The following HIVEP2 variants were observed in gnomAD, a reference collection of about 807,000 sequenced individuals.
HIVEP2 encodes HIVEP zinc finger 2, also known as transcription factor HIVEP2.
A neutral mutation model predicts 180.7 loss-of-function variants in HIVEP2; 14 were observed. The observed-to-expected ratio is 0.08, with a 90% CI of 0.05 to 0.12. The LOEUF (loss-of-function observed/expected upper bound fraction) is 0.12. HIVEP2 is among the 10% of genes least tolerant of loss of function. The pLI, the probability that HIVEP2 is intolerant of heterozygous loss-of-function variation, is 1.00. For missense variants in HIVEP2, 2,579 were observed against 3,008.5 expected, an observed-to-expected ratio of 0.86 and a Z score of 3.34; for synonymous variants, 1,184 against 1,136.4, an observed-to-expected ratio of 1.04 and a Z score of -0.84.
At position 142,785,309 on chromosome 6, in the gene HIVEP2, CAAAAAAAAAAAAAAAAAAAAAA is replaced by C. The variant is rs57458259; in HGVS notation, c.-527-1716_-527-1695del. On this transcript the variant is annotated intron_variant, in intron 2 of 9. Transcript: ENST00000367603. ...GGCTAAAGTAAAGCATGGCATTCCT[CAAAAAAAAAAAAAAAAAAAAAA>C]AAAAAAAAAAAAAAAGAAGAAGAAG... 7.6e-5 allele frequency among the ~76,000 whole-genome samples: 5 copies of C among 65,368 alleles called. 1 individual carries two copies. The highest frequency in any genetic ancestry group is 2.6e-4 in the Admixed American group (1 of 3,780). The allele number at this position is 65,368 out of a possible 152,430, so 42.9% of individuals were successfully genotyped here.
At chr6:142,836,468 A>G (rs1775225393) in intron 2 of HIVEP2, among the ~76,000 whole-genome samples, 1 of 152,172 alleles carries the variant, frequency 6.6e-6, no homozygotes, top group South Asian at 2.1e-4. Flanking sequence ...TCCTTCCTTA[A>G]GATTTCTATT....
At chr6:142,911,878 G>A (rs147403384) in intron 1 of HIVEP2, among the ~76,000 whole-genome samples, 45 of 152,234 alleles carry the variant, frequency 3.0e-4, no homozygotes, top group Admixed American at 1.5e-3. Flanking sequence ...TTAACTGACC[G>A]CTCATCATTT....
At chr6:142,753,960 A>C in intron 9 of HIVEP2, 29 bp from the exon 10 acceptor site, 2 of 1,211,142 alleles carry the variant, frequency 1.7e-6, no homozygotes, top group Non-Finnish European at 1.2e-6. Flanking sequence ...AGAGCACAAA[A>C]TTCAGAGCCT....
At chr6:142,792,921 A>C (rs1255009176) in intron 2 of HIVEP2, among the ~76,000 whole-genome samples, 1 of 152,090 alleles carries the variant, frequency 6.6e-6, no homozygotes, top group Non-Finnish European at 1.5e-5. Context: ...GAAACTGAGG[A>C]GTCCCTTCTT....
chr6:142,851,157 C>T (rs1356538360), intron 1 of HIVEP2, among the ~76,000 whole-genome samples: 1 of 152,062 alleles, frequency 6.6e-6, no homozygotes, highest in Non-Finnish European at 1.5e-5. Context: ...GAAGGAAAAG[C>T]AACAACAAGA....
chr6:142,819,098 G>A (rs1047564753), intron 2 of HIVEP2, among the ~76,000 whole-genome samples: 3 of 152,122 alleles, frequency 2.0e-5, no homozygotes, highest in Non-Finnish European at 4.4e-5. Context: ...GCTGGGCATG[G>A]TGGTGTGCAC....
chr6:142,898,433 G>A (rs1048890474), intron 1 of HIVEP2, among the ~76,000 whole-genome samples: 14 of 152,020 alleles, frequency 9.2e-5, no homozygotes, highest in Non-Finnish European at 1.8e-4. Context: ...AGGCCGAGGC[G>A]GGCAAATCAC....
At chr6:142,920,579 T>C (rs957045512) in intron 1 of HIVEP2, among the ~76,000 whole-genome samples, 21 of 152,162 alleles carry the variant, frequency 1.4e-4, no homozygotes, top group African/African-American at 5.1e-4. Flanking sequence ...GGTTATCACA[T>C]AGGTAACAGA....
At chr6:142,808,759 G>A (rs1323870714) in intron 2 of HIVEP2, among the ~76,000 whole-genome samples, 1 of 151,734 alleles carries the variant, frequency 6.6e-6, no homozygotes. Flanking sequence ...GGCAGGGAGG[G>A]AGGAAAGTAT....
intron 2 of HIVEP2, among the ~76,000 whole-genome samples, chr6:142,811,003 C>T (rs915222133): frequency 2.6e-5 from 4 of 152,106 alleles, no homozygotes; most frequent in African/African-American, 7.2e-5. Context: ...GCCTCCCAAA[C>T]ATTAACTATG....
At chr6:142,875,731 T>C (rs1428812327) in intron 1 of HIVEP2, among the ~76,000 whole-genome samples, 4 of 152,124 alleles carry the variant, frequency 2.6e-5, no homozygotes, top group Non-Finnish European at 5.9e-5. Flanking sequence ...TAGTGAAACA[T>C]GGTTCTGTTT....
chr6:142,872,075 G>C (rs1776301802), intron 1 of HIVEP2, among the ~76,000 whole-genome samples: 1 of 152,144 alleles, frequency 6.6e-6, no homozygotes. Context: ...TGACTGAGTA[G>C]CTGGACCAGT....
chr6:142,768,805 CTG>C (rs1230869731), intron 5 of HIVEP2, among the ~76,000 whole-genome samples: 1 of 151,866 alleles, frequency 6.6e-6, no homozygotes, highest in African/African-American at 2.4e-5. Flanking sequence ...ACTCAGCACT[CTG>C]TGCAATGCTA....
chr6:142,929,713 A>G (rs1286432132), intron 1 of HIVEP2, among the ~76,000 whole-genome samples: 1 of 152,190 alleles, frequency 6.6e-6, no homozygotes, highest in South Asian at 2.1e-4. Flanking sequence ...AAGTTTCCCA[A>G]ACTAACCATT....
intron 1 of HIVEP2, among the ~76,000 whole-genome samples, chr6:142,875,880 C>T (rs1418077681): frequency 6.7e-6 from 1 of 149,686 alleles, no homozygotes; most frequent in Admixed American, 6.7e-5. Context: ...GTTGAAAATT[C>T]ATGATAGATC....
intron 1 of HIVEP2, among the ~76,000 whole-genome samples, chr6:142,887,158 A>G (rs942578039): frequency 6.6e-5 from 10 of 152,216 alleles, no homozygotes; most frequent in African/African-American, 9.6e-5. Context: ...AATTCCTGAC[A>G]TAAAATGTGA....
chr6:142,851,088 G>A lies in HIVEP2; in HGVS notation c.-640-14041C>T, dbSNP rs563066173. Among the ~76,000 whole-genome samples, 59 of 152,288 alleles carry A rather than the reference G, an allele frequency of 3.9e-4. No homozygotes were observed. In the South Asian group the frequency reaches 0.012, roughly 30 times the overall value. On this transcript the variant is annotated intron_variant, in intron 1 of 9. Transcript: ENST00000367603. ...TCTGGGAAATATACAAATAATAGAA[G>A]CACTTTCATATTCTTTCATAAGTTG...
intron 2 of HIVEP2, among the ~76,000 whole-genome samples, chr6:142,819,584 C>T (rs1184451602): frequency 6.6e-6 from 1 of 152,124 alleles, no homozygotes; most frequent in East Asian, 1.9e-4. Flanking sequence ...CCGAAGTGAC[C>T]CTTTCCCATG....
intron 3 of HIVEP2, among the ~76,000 whole-genome samples, 184 bp downstream of exon 3, chr6:142,783,326 CAAAAAAAAAAA>C (rs567202980): frequency 2.9e-3 from 203 of 71,052 alleles, no homozygotes; most frequent in African/African-American, 4.5e-3. Flanking sequence ...GACTCCGTCA[CAAAAAAAAAAA>C]AAAAAAAAAA....
Sources: gnomAD v4.1 joint callset for allele counts (sites outside exome capture counted in the v4.1 genomes callset) on GRCh38, gnomAD v4.1.1 for gene constraint, MANE v1.5 for transcripts, NCBI Gene and HGNC (gene_info 2026-07-23, HGNC 2026-07-21) for gene names.